ARHGAP24: variants seen among roughly 807,000 people sequenced by gnomAD.
ARHGAP24 encodes the protein Rho GTPase activating protein 24, also known as rho GTPase-activating protein 24.
In ARHGAP24, 50 loss-of-function variants were observed where a neutral mutation model predicts 76.4. That is an observed-to-expected ratio of 0.65 (90% CI 0.52 to 0.83). The LOEUF (loss-of-function observed/expected upper bound fraction) is 0.83. ARHGAP24 is among the 40% of genes least tolerant of loss of function. The pLI is 0.00. For synonymous variants in ARHGAP24, 345 were observed against 323.3 expected, an observed-to-expected ratio of 1.07 and a Z score of -0.72; for missense variants, 930 against 914.2, an observed-to-expected ratio of 1.02 and a Z score of -0.22.
At chr4:85,556,470 A>G (rs1456239207) in intron 1 of ARHGAP24, among the ~76,000 whole-genome samples, 1 of 152,152 alleles carries the variant, frequency 6.6e-6, no homozygotes, top group Non-Finnish European at 1.5e-5. Flanking sequence ...TGGAGGTTTC[A>G]GCATAGCAAC....
intron 3 of ARHGAP24, among the ~76,000 whole-genome samples, chr4:85,772,957 G>A (rs1013683195): frequency 4.6e-5 from 7 of 152,278 alleles, no homozygotes; most frequent in Admixed American, 2.0e-4. Flanking sequence ...AGATGAATGT[G>A]ATTTCAAATT....
At chr4:85,926,649 CA>C (rs1690518987) in intron 4 of ARHGAP24, among the ~76,000 whole-genome samples, 1 of 151,992 alleles carries the variant, frequency 6.6e-6, no homozygotes, top group Non-Finnish European at 1.5e-5. Flanking sequence ...TTATATGACC[CA>C]AAAACCCTTT....
intron 3 of ARHGAP24, among the ~76,000 whole-genome samples, chr4:85,728,995 G>C (rs2110050076): frequency 6.6e-6 from 1 of 152,254 alleles, no homozygotes; most frequent in Middle Eastern, 3.4e-3. Flanking sequence ...TTGATCACCA[G>C]TTAAATATGC....
At chr4:85,785,518 A>G (rs1371981537) in intron 3 of ARHGAP24, among the ~76,000 whole-genome samples, 1 of 139,024 alleles carries the variant, frequency 7.2e-6, no homozygotes, top group African/African-American at 2.7e-5. Flanking sequence ...TTTAAGAAAG[A>G]GCAGCAAGAA....
rs554649007 is a variant in ARHGAP24, at chr4:86,001,112, C to T, written c.*390C>T. 4.5e-4 allele frequency: 173 copies of T among 388,248 alleles called. No homozygotes were observed. The highest frequency in any genetic ancestry group is 6.3e-4 in the Non-Finnish European group (139 of 221,778). 24.1% of individuals were successfully genotyped at this position (388,248 alleles called of 1,614,324 possible). A position where few individuals can be genotyped will look rare whatever the true frequency, so the allele number is the denominator to read the frequency against. On this transcript the variant is annotated 3_prime_UTR_variant, in exon 10 of 10. Coordinates refer to ENST00000395184, the MANE Select transcript of ARHGAP24 (RefSeq NM_001025616.3). Reference sequence around the variant, plus strand: ...GCTATTTTTGGCATTGTGTTATCATCGGCTTATTTTATAGATCAATATTTT... The same window carrying T: ...GCTATTTTTGGCATTGTGTTATCATTGGCTTATTTTATAGATCAATATTTT...
intron 2 of ARHGAP24, among the ~76,000 whole-genome samples, chr4:85,629,402 TAG>T (rs1429436954): frequency 6.6e-6 from 1 of 152,214 alleles, no homozygotes; most frequent in African/African-American, 2.4e-5. Context: ...TTTATAATAA[TAG>T]AGTCTTCTGA....
chr4:85,931,131 G>C (rs1047694784), intron 4 of ARHGAP24: 39 of 1,383,304 alleles, frequency 2.8e-5, no homozygotes, highest in Non-Finnish European at 3.5e-5. Context: ...GATAAAATGG[G>C]AGTTTGGAAA....
chr4:85,765,336 T>A (rs1726891019), intron 3 of ARHGAP24, among the ~76,000 whole-genome samples: 2 of 152,136 alleles, frequency 1.3e-5, no homozygotes, highest in Non-Finnish European at 2.9e-5. Context: ...GTTTTTGTTT[T>A]AACTGATTCA....
Position 85,544,074 on chromosome 4 carries a change from T to A in ARHGAP24, c.-20-26448T>A, listed in dbSNP as rs185422325. ...CTTTGTTCTCCTCCCACTGCCAGCC[T>A]TTTGCCTCTCATCTAAATGATGACT... On this transcript the variant is annotated intron_variant, in intron 1 of 9. Transcript: ENST00000395184. Among the ~76,000 whole-genome samples the A allele has an allele frequency of 1.1e-3, 164 of 152,310 alleles. 2 individuals carry two copies. Among genetic ancestry groups the A allele is most frequent in the Non-Finnish European group, 1.5e-4 (10 of 68,024 alleles).
At chr4:85,875,438 T>C (rs28836247) in intron 3 of ARHGAP24, among the ~76,000 whole-genome samples, 531 of 10,736 alleles carry the variant, frequency 0.049, 44 homozygotes, top group East Asian at 0.23. Flanking sequence ...TTATATATAA[T>C]ATATTTATCT....
intron 3 of ARHGAP24, among the ~76,000 whole-genome samples, chr4:85,828,618 G>A (rs977082866): frequency 5.9e-5 from 9 of 151,566 alleles, no homozygotes; most frequent in East Asian, 3.9e-4. Context: ...TTTGTTATCC[G>A]CATATTTGAA....
At chr4:85,648,238 G>A (rs1002879142) in intron 2 of ARHGAP24, among the ~76,000 whole-genome samples, 10 of 152,008 alleles carry the variant, frequency 6.6e-5, no homozygotes, top group African/African-American at 2.4e-4. Flanking sequence ...ATATCTTACA[G>A]AAGTCCTGCC....
chr4:85,807,641 C>T (rs868244880), intron 3 of ARHGAP24, among the ~76,000 whole-genome samples: 2 of 152,126 alleles, frequency 1.3e-5, no homozygotes, highest in Admixed American at 1.3e-4. Context: ...TGATTAATGT[C>T]CAAGCCACAT....
chr4:85,880,228 T>C (rs1215547580), intron 3 of ARHGAP24, among the ~76,000 whole-genome samples: 1 of 152,210 alleles, frequency 6.6e-6, no homozygotes, highest in African/African-American at 2.4e-5. Context: ...AATATCTTAT[T>C]GTACTGTATT....
chr4:85,969,689 G>A (rs1270287646), intron 5 of ARHGAP24, among the ~76,000 whole-genome samples: 1 of 152,064 alleles, frequency 6.6e-6, no homozygotes, highest in Admixed American at 6.6e-5. Flanking sequence ...GGCAGATATA[G>A]CAAGAAAAAC....
intron 1 of ARHGAP24, among the ~76,000 whole-genome samples, chr4:85,521,042 G>C (rs1471615297): frequency 2.0e-5 from 3 of 152,102 alleles, no homozygotes; most frequent in African/African-American, 7.2e-5. Flanking sequence ...AAACTTTTCG[G>C]GCAGGGCAGT....
chr4:85,893,821 C>T (rs552351807), intron 3 of ARHGAP24, among the ~76,000 whole-genome samples: 4 of 150,864 alleles, frequency 2.7e-5, no homozygotes, highest in Admixed American at 6.6e-5. Context: ...AAATTGGAAA[C>T]CATCATTCTC....
At chr4:85,968,558 A>G (rs1738768623) in intron 5 of ARHGAP24, among the ~76,000 whole-genome samples, 1 of 152,162 alleles carries the variant, frequency 6.6e-6, no homozygotes, top group East Asian at 1.9e-4. Context: ...TATGATTGAC[A>G]GGGTTGCTAT....
intron 3 of ARHGAP24, among the ~76,000 whole-genome samples, chr4:85,902,337 A>G (rs1319091625): frequency 6.6e-6 from 1 of 152,146 alleles, no homozygotes; most frequent in Non-Finnish European, 1.5e-5. Flanking sequence ...GAGCCTACAG[A>G]TCTATGGCAT....
Sources: allele counts gnomAD v4.1 joint callset (sites outside exome capture counted in the v4.1 genomes callset), GRCh38; gene constraint gnomAD v4.1.1; transcripts MANE v1.5; gene names NCBI Gene and HGNC (gene_info 2026-07-23, HGNC 2026-07-21).